PACRG: variants seen among roughly 807,000 people sequenced by gnomAD.
PACRG encodes parkin coregulated, also known as parkin coregulated gene protein.
Under a neutral mutation model 29.7 loss-of-function variants are expected in PACRG, and 29 were observed. The observed-to-expected ratio is 0.98, with a 90% CI of 0.73 to 1.33. The LOEUF (loss-of-function observed/expected upper bound fraction) is 1.33, where lower values mean the gene tolerates loss of function less well. PACRG is among the 40% of genes most tolerant of loss of function. PACRG has a pLI of 0.00. For synonymous variants in PACRG, 116 were observed against 118.7 expected (o/e 0.98, Z 0.15); for missense variants, 279 against 316.2 (o/e 0.88, Z 0.89).
upstream of PACRG, chr6:162,727,356 A>T: frequency 2.9e-6 from 1 of 346,244 alleles, no homozygotes; most frequent in East Asian, 7.1e-5. Context: ...GGGACCCCAC[A>T]CGGTCCGGGG....
intron 2 of PACRG, among the ~76,000 whole-genome samples, chr6:162,929,961 A>G (rs953986614): frequency 6.6e-6 from 1 of 151,928 alleles, no homozygotes; most frequent in Admixed American, 6.6e-5. Flanking sequence ...TGCCAGTACC[A>G]TGCTCATTTG....
At chr6:163,102,772 T>G (rs1316522922) in intron 4 of PACRG, among the ~76,000 whole-genome samples, 1 of 152,218 alleles carries the variant, frequency 6.6e-6, no homozygotes, top group African/African-American at 2.4e-5. Context: ...CATCACCTGT[T>G]GCATTTCCCA....
At chr6:163,056,669 G>A (rs573874207) in intron 2 of PACRG, among the ~76,000 whole-genome samples, 21 of 152,284 alleles carry the variant, frequency 1.4e-4, no homozygotes, top group Non-Finnish European at 2.5e-4. Context: ...TTGCCCTCAC[G>A]GTGGGATTTA....
intron 4 of PACRG, among the ~76,000 whole-genome samples, chr6:163,180,070 C>G (rs1177926858): frequency 6.6e-6 from 1 of 152,234 alleles, no homozygotes; most frequent in Admixed American, 6.5e-5. Context: ...TTTGAAATTA[C>G]TTGCATTATC....
intron 4 of PACRG, among the ~76,000 whole-genome samples, chr6:163,299,207 G>A (rs1784894398): frequency 6.6e-6 from 1 of 152,216 alleles, no homozygotes; most frequent in Admixed American, 6.5e-5. Context: ...GCTGGTTCCT[G>A]AGTCCCACCT....
chr6:163,234,388 C>T (rs1161797003), intron 4 of PACRG, among the ~76,000 whole-genome samples: 1 of 152,134 alleles, frequency 6.6e-6, no homozygotes, highest in Non-Finnish European at 1.5e-5. Context: ...CTCCTCCTCT[C>T]TTGCTTCCTC....
intron 2 of PACRG, among the ~76,000 whole-genome samples, chr6:162,985,683 A>G (rs541549247): frequency 1.3e-5 from 2 of 152,248 alleles, no homozygotes; most frequent in Admixed American, 1.3e-4. Context: ...GCTATTCAAC[A>G]TAGTGCTGGT....
At chr6:163,022,014 C>T (rs571666678) in intron 2 of PACRG, among the ~76,000 whole-genome samples, 54 of 152,336 alleles carry the variant, frequency 3.5e-4, no homozygotes, top group Admixed American at 7.8e-4. Context: ...CAGCCGACCA[C>T]GGACCCCCTG....
At chr6:162,899,656 C>A (rs552801111) in intron 2 of PACRG, among the ~76,000 whole-genome samples, 36 of 152,186 alleles carry the variant, frequency 2.4e-4, no homozygotes, top group Admixed American at 9.8e-4. Context: ...AGCTTTAGAG[C>A]CCTAAACACT....
intron 4 of PACRG, among the ~76,000 whole-genome samples, chr6:163,133,993 T>C (rs1816835810): frequency 6.6e-6 from 1 of 152,246 alleles, no homozygotes; most frequent in African/African-American, 2.4e-5. Context: ...ACTTTGTTCT[T>C]GCAAGAACAG....
At chr6:162,789,318 C>T (rs1047760025) in intron 1 of PACRG, among the ~76,000 whole-genome samples, 1 of 152,108 alleles carries the variant, frequency 6.6e-6, no homozygotes, top group Non-Finnish European at 1.5e-5. Context: ...TTCTATCAAA[C>T]AGTTGTGAGT....
intron 4 of PACRG, among the ~76,000 whole-genome samples, chr6:163,094,504 G>C (rs966245278): frequency 1.3e-5 from 2 of 152,064 alleles, no homozygotes; most frequent in African/African-American, 2.4e-5. Context: ...GAGAATCCTG[G>C]GATTATAAAG....
intron 4 of PACRG, among the ~76,000 whole-genome samples, chr6:163,228,379 C>CAAA (rs11362557): frequency 1.2e-4 from 8 of 68,170 alleles, no homozygotes; most frequent in African/African-American, 1.8e-4. Context: ...TTTAAGCAGG[C>CAAA]AAAAAAAAAA....
At chr6:163,142,614 A>G (rs1183159286) in intron 4 of PACRG, among the ~76,000 whole-genome samples, 1 of 152,228 alleles carries the variant, frequency 6.6e-6, no homozygotes, top group Non-Finnish European at 1.5e-5. Context: ...AGGTAGGATA[A>G]CTTATGTGAG....
chr6:162,808,719 C>T (rs1356171652), intron 1 of PACRG, among the ~76,000 whole-genome samples: 1 of 152,132 alleles, frequency 6.6e-6, no homozygotes, highest in Admixed American at 6.5e-5. Context: ...TCCATTCTTC[C>T]CAATTGGTTT....
chr6:163,090,595 C>T (rs1447266408), intron 4 of PACRG, among the ~76,000 whole-genome samples: 1 of 152,122 alleles, frequency 6.6e-6, no homozygotes, highest in Admixed American at 6.5e-5. Context: ...AATATTACTA[C>T]ATTTGGAAAA....
At chr6:162,768,201 G>A (rs1782947824) in intron 1 of PACRG, among the ~76,000 whole-genome samples, 1 of 151,994 alleles carries the variant, frequency 6.6e-6, no homozygotes, top group East Asian at 1.9e-4. Context: ...TCATTTTACT[G>A]TCATTTCTGA....
intron 4 of PACRG, among the ~76,000 whole-genome samples, chr6:163,292,465 G>C (rs771055272): frequency 6.6e-6 from 1 of 152,158 alleles, no homozygotes; most frequent in African/African-American, 2.4e-5. Flanking sequence ...GCAATGGCAC[G>C]ATCTCGGCTC....
intron 1 of PACRG, among the ~76,000 whole-genome samples, chr6:162,758,882 G>A (rs544659397): frequency 2.6e-5 from 4 of 152,206 alleles, no homozygotes; most frequent in South Asian, 4.2e-4. Context: ...CATTTCTGAA[G>A]TCTTGAACAT....
Sources: allele counts gnomAD v4.1 joint callset (sites outside exome capture counted in the v4.1 genomes callset), GRCh38; gene constraint gnomAD v4.1.1; transcripts MANE v1.5; gene names NCBI Gene and HGNC (gene_info 2026-07-23, HGNC 2026-07-21).